The following OLFM3 variants were observed in gnomAD, a reference collection of about 807,000 sequenced individuals.
OLFM3 encodes the protein noelin-3.
In OLFM3, 20 loss-of-function variants were observed where a neutral mutation model predicts 48.6. That is an observed-to-expected ratio of 0.41 (90% CI 0.29 to 0.60). OLFM3 has a LOEUF of 0.60. Ranked by LOEUF, OLFM3 falls within the 20% of genes least tolerant of loss-of-function variation. The pLI, the probability that OLFM3 is intolerant of heterozygous loss-of-function variation, is 0.28. For synonymous variants in OLFM3, 222 were observed against 198.1 expected (o/e 1.12, Z -1.01); for missense variants, 437 against 544.3 (o/e 0.80, Z 1.96).
intron 2 of OLFM3, among the ~76,000 whole-genome samples, chr1:101,835,719 G>C (rs1655368091): frequency 6.6e-6 from 1 of 152,152 alleles, no homozygotes; most frequent in Non-Finnish European, 1.5e-5. Context: ...GATCCGAAAG[G>C]ATGGGATCTT....
chr1:101,872,450 G>A (rs1409434537), intron 1 of OLFM3, among the ~76,000 whole-genome samples: 1 of 151,994 alleles, frequency 6.6e-6, no homozygotes, highest in Admixed American at 6.6e-5. Context: ...TAAGAGATGA[G>A]TGGAAGCTTT....
intron 1 of OLFM3, among the ~76,000 whole-genome samples, chr1:101,932,803 A>G (rs1659484161): frequency 6.6e-6 from 1 of 152,182 alleles, no homozygotes; most frequent in Non-Finnish European, 1.5e-5. Context: ...GGTTCTTAAT[A>G]TGGCTGAAAT....
At chr1:101,941,959 T>C (rs1442200312) in intron 1 of OLFM3, among the ~76,000 whole-genome samples, 1 of 152,214 alleles carries the variant, frequency 6.6e-6, no homozygotes, top group Non-Finnish European at 1.5e-5. Context: ...CATTTATTAT[T>C]CATAATAAAG....
intron 1 of OLFM3, among the ~76,000 whole-genome samples, chr1:101,907,976 T>A (rs561363684): frequency 6.6e-6 from 1 of 152,316 alleles, no homozygotes; most frequent in Admixed American, 6.5e-5. Context: ...TTGTGAAAAA[T>A]GTTAAATGGA....
At chr1:101,841,543 G>A (rs568042032) in intron 1 of OLFM3, among the ~76,000 whole-genome samples, 1 of 152,314 alleles carries the variant, frequency 6.6e-6, no homozygotes. Context: ...GATGCACCCA[G>A]GCAGGTAGAG....
chr1:101,837,914 T>C (rs759361521), intron 1 of OLFM3: 2 of 152,220 alleles, frequency 1.3e-5, no homozygotes, highest in Non-Finnish European at 2.9e-5. Flanking sequence ...GTGAAGAAAC[T>C]GTCTGTACTA....
intron 1 of OLFM3, among the ~76,000 whole-genome samples, chr1:101,986,973 C>T (rs1038585628): frequency 6.6e-6 from 1 of 152,194 alleles, no homozygotes; most frequent in Non-Finnish European, 1.5e-5. Flanking sequence ...GATACGTAAA[C>T]AAATAGCTTT....
intron 1 of OLFM3, among the ~76,000 whole-genome samples, chr1:101,980,400 G>C (rs749409463): frequency 6.6e-6 from 1 of 152,100 alleles, no homozygotes; most frequent in Non-Finnish European, 1.5e-5. Flanking sequence ...AAGTGGAGGT[G>C]ACTGGATCAT....
At chr1:101,907,832 TA>T (rs1658603883) in intron 1 of OLFM3, among the ~76,000 whole-genome samples, 1 of 152,128 alleles carries the variant, frequency 6.6e-6, no homozygotes, top group Admixed American at 6.5e-5. Context: ...CTATTTCCCT[TA>T]AAATAATCAC....
chr1:101,936,932 C>A (rs1310641101), intron 1 of OLFM3, among the ~76,000 whole-genome samples: 1 of 152,068 alleles, frequency 6.6e-6, no homozygotes, highest in African/African-American at 2.4e-5. Context: ...TGAAACTGGA[C>A]CCCTTCCGTA....
At position 101,918,113 on chromosome 1, in the gene OLFM3, G is replaced by A. The variant is rs1174166216; in HGVS notation, c.69+78635C>T. On this transcript the variant is annotated intron_variant, in intron 1 of 5. Coordinates refer to ENST00000370103, the MANE Select transcript of OLFM3 (RefSeq NM_058170.4). ...ATTAAGTCGTCCAAAGAAATTCAAC[G>A]ATCATTTATTGAACAACCACTATAG... 3.3e-5 allele frequency among the ~76,000 whole-genome samples: 5 copies of A among 152,072 alleles called. No homozygotes were observed. The South Asian group carries it at 6.2e-4, about 19-fold the overall frequency.
intron 1 of OLFM3, among the ~76,000 whole-genome samples, chr1:101,903,912 T>A (rs539222047): frequency 1.1e-4 from 16 of 152,178 alleles, no homozygotes; most frequent in African/African-American, 3.1e-4. Flanking sequence ...GGAAATATGA[T>A]TGTGTTTGAT....
intron 1 of OLFM3, among the ~76,000 whole-genome samples, chr1:101,968,415 A>C (rs941832079): frequency 5.9e-5 from 9 of 151,570 alleles, no homozygotes; most frequent in African/African-American, 2.4e-5. Flanking sequence ...CCACAGAATC[A>C]TGTTTAGTCC....
At chr1:101,930,906 A>G (rs1659425566) in intron 1 of OLFM3, among the ~76,000 whole-genome samples, 1 of 152,232 alleles carries the variant, frequency 6.6e-6, no homozygotes, top group South Asian at 2.1e-4. Context: ...TATCAAAATA[A>G]TGGGACCTAA....
chr1:101,941,205 A>G (rs1366912093), intron 1 of OLFM3, among the ~76,000 whole-genome samples: 1 of 152,146 alleles, frequency 6.6e-6, no homozygotes. Context: ...AAGATCAACC[A>G]CGGCAGTGGC....
intron 1 of OLFM3, among the ~76,000 whole-genome samples, chr1:101,947,544 G>A (rs1413204993): frequency 6.6e-6 from 1 of 152,112 alleles, no homozygotes; most frequent in Non-Finnish European, 1.5e-5. Flanking sequence ...TGAGGAGGGA[G>A]GATTGGTTGG....
In OLFM3 at chr1:101,866,142, GT is replaced by G. The variant is rs1229416294; in HGVS notation, c.70-29118del. On this transcript the variant is annotated intron_variant, in intron 1 of 5. Coordinates refer to ENST00000370103, the MANE Select transcript of OLFM3 (RefSeq NM_058170.4). ...AAATGTCTCGAATTTCCAGAAAGTT[GT>G]TTTCTTCAGTCAAATGTATTTAAGG... Among the ~76,000 whole-genome samples, 7 of 152,124 alleles carry G rather than the reference GT, an allele frequency of 4.6e-5. No individual in the cohort carries two copies. In the East Asian group the frequency reaches 1.4e-3, roughly 29 times the overall value.
At chr1:101,968,123 C>T (rs1181589932) in intron 1 of OLFM3, among the ~76,000 whole-genome samples, 3 of 152,166 alleles carry the variant, frequency 2.0e-5, no homozygotes, top group African/African-American at 7.2e-5. Context: ...ACCATTCTGC[C>T]TAGTCACCCT....
chr1:101,882,230 A>C (rs972329647), intron 1 of OLFM3, among the ~76,000 whole-genome samples: 6 of 150,294 alleles, frequency 4.0e-5, no homozygotes, highest in African/African-American at 1.5e-4. Context: ...ATAACAATCA[A>C]ATTTTCAAAA....
Sources: allele counts gnomAD v4.1 joint callset (sites outside exome capture counted in the v4.1 genomes callset), GRCh38; gene constraint gnomAD v4.1.1; transcripts MANE v1.5; gene names NCBI Gene and HGNC (gene_info 2026-07-23, HGNC 2026-07-21).